Variants in DDI2 observed in about 807,000 individuals in gnomAD.
DDI2 encodes protein DDI1 homolog 2.
Under a neutral mutation model 48.1 loss-of-function variants are expected in DDI2, and 5 were observed. The ratio of observed to expected loss-of-function variants is 0.10; its 90% CI spans 0.05 to 0.22. The LOEUF (loss-of-function observed/expected upper bound fraction) is 0.22. DDI2 is among the 10% of genes least tolerant of loss of function. The pLI is 1.00. For synonymous variants in DDI2, 205 were observed against 183.6 expected (o/e 1.12, Z -0.94); for missense variants, 285 against 506.2 (o/e 0.56, Z 4.19).
At position 15,652,058 on chromosome 1, in the gene DDI2, C is replaced by CTTTTTTTTTTTTTTTTTTTTTTTTTT. The variant is rs772990709; in HGVS notation, c.1183+187_1183+188insTTTTTTTTTTTTTTTTTTTTTTTTTT. The stretch of plus-strand genomic sequence containing the variant: ...TTCTTAACCTCCTTCTTTGATCTTC[C>CTTTTTTTTTTTTTTTTTTTTTTTTTT]TTTTTTTTTTTTTTTTTTTTTTTTG... On this transcript the variant is annotated intron_variant, in intron 8 of 9. Coordinates refer to ENST00000480945, the MANE Select transcript of DDI2 (RefSeq NM_032341.5). 7.9e-5 allele frequency among the ~76,000 whole-genome samples: 6 copies of CTTTTTTTTTTTTTTTTTTTTTTTTTT among 75,978 alleles called. 1 individual carries two copies. Among genetic ancestry groups the CTTTTTTTTTTTTTTTTTTTTTTTTTT allele is most frequent in the African/African-American group, 3.3e-4 (5 of 15,222 alleles). 49.8% of individuals were successfully genotyped at this position (75,978 alleles called of 152,430 possible). A position where few individuals can be genotyped will look rare whatever the true frequency, so the allele number is the denominator to read the frequency against.
At chr1:15,658,755 A>T (rs1183356069) in intron 9 of DDI2, among the ~76,000 whole-genome samples, 1 of 8,734 alleles carries the variant, frequency 1.1e-4, no homozygotes. Context: ...ACACAGTCTT[A>T]AAAAAAAAAA....
intron 7 of DDI2, among the ~76,000 whole-genome samples, chr1:15,650,401 T>C (rs1238663977): frequency 6.6e-6 from 1 of 152,206 alleles, no homozygotes; most frequent in African/African-American, 2.4e-5. Flanking sequence ...CAGGGTGGTA[T>C]GGCTGTAGAC....
At chr1:15,647,700 G>A (rs185522072) in intron 6 of DDI2, among the ~76,000 whole-genome samples, 1 of 152,222 alleles carries the variant, frequency 6.6e-6, no homozygotes, top group East Asian at 1.9e-4. Flanking sequence ...GGTGGCTCAT[G>A]TCTGAAATCC....
chr1:15,636,347 T>G (rs1639928876), intron 4 of DDI2, among the ~76,000 whole-genome samples: 1 of 152,112 alleles, frequency 6.6e-6, no homozygotes, highest in South Asian at 2.1e-4. Flanking sequence ...AGTCGTGTCT[T>G]GAAGTCCTGG....
chr1:15,646,241 C>T (rs1436567925), intron 6 of DDI2, among the ~76,000 whole-genome samples: 1 of 152,238 alleles, frequency 6.6e-6, no homozygotes, highest in Non-Finnish European at 1.5e-5. Context: ...ATCTCTCCTC[C>T]TATCTGCAGA....
chr1:15,651,994 A>T, intron 8 of DDI2, 99 bp downstream of exon 8: 1 of 1,166,854 alleles, frequency 8.6e-7, no homozygotes, highest in Non-Finnish European at 1.1e-6. Context: ...GTTTTTAATT[A>T]GTCTCATGGT....
rs868402226 is a variant in DDI2, at chr1:15,652,456, G to T, written c.1183+561G>T. On this transcript the variant is annotated intron_variant, in intron 8 of 9. Transcript: ENST00000480945. ...CACTTTGGGAGGCTCCGGAGGGGGG[G>T]GGGGGGGGGCGGATCACCTGAGGTC... 1.4e-3 allele frequency among the ~76,000 whole-genome samples: 135 copies of T among 99,840 alleles called. 26 individuals are homozygous for T. Among genetic ancestry groups the T allele is most frequent in the African/African-American group, 4.0e-3 (112 of 27,844 alleles). The allele number at this position is 99,840 out of a possible 152,430, so 65.5% of individuals were successfully genotyped here.
chr1:15,626,587 T>G (rs1262977366), intron 1 of DDI2, 82 bp from the exon 2 acceptor site: 12 of 1,572,306 alleles, frequency 7.6e-6, no homozygotes, highest in Admixed American at 5.3e-5. Flanking sequence ...TGACATCTGA[T>G]TCAGGGGAAA....
chr1:15,632,935 A>ATTTT lies in DDI2; in HGVS notation c.506-504_506-503insTTTT, dbSNP rs1557614987. On this transcript the variant is annotated intron_variant, in intron 3 of 9. Coordinates refer to ENST00000480945, the MANE Select transcript of DDI2 (RefSeq NM_032341.5). ...TACTTTTTTTTTTTTTTTTTTTAAA[A>ATTTT]AAAAAAAAACAGGGTCTCACCATGT... Among the ~76,000 whole-genome samples the ATTTT allele has an allele frequency of 9.9e-3, 780 of 79,024 alleles. 3 individuals carry two copies. Among genetic ancestry groups the ATTTT allele is most frequent in the African/African-American group, 0.046 (738 of 15,964 alleles). The allele number at this position is 79,024 out of a possible 152,430, so 51.8% of individuals were successfully genotyped here. A position where few individuals can be genotyped will look rare whatever the true frequency, so the allele number is the denominator to read the frequency against.
chr1:15,646,346 T>C (rs1240471862), intron 6 of DDI2, among the ~76,000 whole-genome samples: 1 of 152,232 alleles, frequency 6.6e-6, no homozygotes. Context: ...TTTTTAGCTC[T>C]AAAATTTTGT....
In DDI2 at chr1:15,637,218, C is replaced by A. The variant is rs74818214; in HGVS notation, c.633-1089C>A. On this transcript the variant is annotated intron_variant, in intron 4 of 9. Coordinates refer to ENST00000480945, the MANE Select transcript of DDI2 (RefSeq NM_032341.5). ...AGAGTTGTGTTGATTTTTTTGTTTT[C>A]TTTTCCTTCCTTTTGGTGGGGAGAG... Among the ~76,000 whole-genome samples, 136 of 152,072 alleles carry A rather than the reference C, an allele frequency of 8.9e-4. 2 individuals are homozygous for A. In the East Asian group the frequency reaches 0.023, roughly 25 times the overall value.
At chr1:15,654,447 A>G (rs578118870) in intron 8 of DDI2, among the ~76,000 whole-genome samples, 2 of 152,244 alleles carry the variant, frequency 1.3e-5, no homozygotes, top group Admixed American at 6.5e-5. Flanking sequence ...GAGCCTGGGA[A>G]TTTGAAACCA....
intron 6 of DDI2, among the ~76,000 whole-genome samples, chr1:15,648,346 C>A (rs1640122283): frequency 6.6e-6 from 1 of 152,142 alleles, no homozygotes; most frequent in Non-Finnish European, 1.5e-5. Context: ...ACCCTTATAG[C>A]AATAGGGGAA....
intron 4 of DDI2, among the ~76,000 whole-genome samples, chr1:15,637,646 G>A (rs1463080641): frequency 6.6e-6 from 1 of 152,216 alleles, no homozygotes; most frequent in African/African-American, 2.4e-5. Context: ...GGGATTACAG[G>A]CGTGAGCCAC....
intron 6 of DDI2, among the ~76,000 whole-genome samples, chr1:15,648,844 A>C (rs545037262): frequency 2.0e-5 from 3 of 151,702 alleles, no homozygotes; most frequent in Non-Finnish European, 4.4e-5. Context: ...CAAAAAAAAA[A>C]AAAAAAAACA....
rs772990709 is a variant in DDI2 at position 15,652,058 on chromosome 1, C to CTTTTTTT, written c.1183+181_1183+187dup. 4.2e-4 allele frequency among the ~76,000 whole-genome samples: 32 copies of CTTTTTTT among 75,978 alleles called. 2 individuals carry two copies. The highest frequency in any genetic ancestry group is 2.0e-3 in the African/African-American group (31 of 15,222). 49.8% of individuals were successfully genotyped at this position (75,978 alleles called of 152,430 possible). A position where few individuals can be genotyped will look rare whatever the true frequency, so the allele number is the denominator to read the frequency against. On this transcript the variant is annotated intron_variant, in intron 8 of 9. Coordinates refer to ENST00000480945, the MANE Select transcript of DDI2 (RefSeq NM_032341.5). Reference sequence around the variant, plus strand: ...TTCTTAACCTCCTTCTTTGATCTTCCTTTTTTTTTTTTTTTTTTTTTTTTG... The same window carrying CTTTTTTT: ...TTCTTAACCTCCTTCTTTGATCTTCCTTTTTTTTTTTTTTTTTTTTTTTTTTTTTTTG...
chr1:15,641,182 G>A (rs889981046), intron 5 of DDI2, among the ~76,000 whole-genome samples: 1 of 152,142 alleles, frequency 6.6e-6, no homozygotes, highest in Non-Finnish European at 1.5e-5. Flanking sequence ...TTTGAAAATG[G>A]TGCTATTGGC....
chr1:15,658,217 T>C (rs1006544160), intron 9 of DDI2, among the ~76,000 whole-genome samples: 1 of 152,062 alleles, frequency 6.6e-6, no homozygotes, highest in African/African-American at 2.4e-5. Flanking sequence ...TGGTGCAGTC[T>C]TGGCTCACTG....
At position 15,617,835 on chromosome 1, in the gene DDI2, C is replaced by T. The variant is rs1639587639; in HGVS notation, c.138+27C>T. ...TACGCCGGGCAGCGAGCCGGGCCTGCCCCGGAGCTAAGCCCTCCCCGCCTC... is the reference window on the plus strand; with the variant it reads ...TACGCCGGGCAGCGAGCCGGGCCTGTCCCGGAGCTAAGCCCTCCCCGCCTC... On this transcript the variant is annotated intron_variant, in intron 1 of 9. Transcript: ENST00000480945. 6.4e-6 allele frequency: 10 copies of T among 1,556,612 alleles called. No individual in the cohort carries two copies. In the East Asian group the frequency reaches 9.4e-5, roughly 15 times the overall value.
Sources: allele counts gnomAD v4.1 joint callset (sites outside exome capture counted in the v4.1 genomes callset), GRCh38; gene constraint gnomAD v4.1.1; transcripts MANE v1.5; gene names NCBI Gene and HGNC (gene_info 2026-07-23, HGNC 2026-07-21).